TPD52: variants seen among roughly 807,000 people sequenced by gnomAD.
TPD52 encodes tumor protein D52.
A neutral mutation model predicts 31.3 loss-of-function variants in TPD52; 17 were observed. That is an observed-to-expected ratio of 0.54 (90% confidence interval 0.37 to 0.82). The LOEUF is 0.82. Among genes scored for constraint, TPD52 ranks in the 40% least tolerant of loss-of-function variants. TPD52 has a pLI of 0.00. For synonymous variants in TPD52, 83 were observed against 89.6 expected (o/e 0.93, Z 0.42); for missense variants, 212 against 240.1 (o/e 0.88, Z 0.77).
chr8:80,038,089 G>A lies in TPD52; in HGVS notation c.*27C>T. On this transcript the variant is annotated 3_prime_UTR_variant, in exon 8 of 8. Transcript: ENST00000518937. ...TGGACCTCGCTTGCAGCATCTGGCA[G>A]TGGGTAGCAGAACAAAGGTAGGAAT... 6.2e-7 allele frequency: 1 copy of A among 1,611,136 alleles called. No individual in the cohort carries two copies. The highest frequency in any genetic ancestry group is 8.5e-7 in the Non-Finnish European group (1 of 1,177,646).
chr8:80,033,462 G>A (rs539604138), downstream of TPD52, among the ~76,000 whole-genome samples: 65 of 152,228 alleles, frequency 4.3e-4, no homozygotes, highest in Middle Eastern at 6.8e-3. Flanking sequence ...GTCTGGTGCC[G>A]GTGAAAGGTG....
At chr8:80,059,724 C>T (rs1026497210) in intron 2 of TPD52, among the ~76,000 whole-genome samples, 3 of 147,360 alleles carry the variant, frequency 2.0e-5, no homozygotes, top group East Asian at 2.0e-4. Flanking sequence ...AGTGGTGGCA[C>T]GTGCCTGTAA....
chr8:80,160,617 T>C (rs1346288246), intron 1 of TPD52, among the ~76,000 whole-genome samples: 1 of 152,200 alleles, frequency 6.6e-6, no homozygotes, highest in African/African-American at 2.4e-5. Context: ...ATTTTTGTTC[T>C]GGTTTACTAG....
intron 1 of TPD52, among the ~76,000 whole-genome samples, chr8:80,114,509 A>C (rs1169351569): frequency 3.3e-5 from 5 of 152,034 alleles, no homozygotes; most frequent in Non-Finnish European, 7.4e-5. Context: ...TTGTTGCATT[A>C]ATTAGTTAAT....
intron 1 of TPD52, among the ~76,000 whole-genome samples, chr8:80,152,385 C>G (rs553058741): frequency 6.6e-6 from 1 of 152,070 alleles, no homozygotes; most frequent in South Asian, 2.1e-4. Context: ...ATGAAAACAC[C>G]CTTCCTCCTA....
chr8:80,171,010 G>A (rs918774754), intron 1 of TPD52: 9 of 429,714 alleles, frequency 2.1e-5, no homozygotes, highest in African/African-American at 1.8e-4. Flanking sequence ...AGGGAGAGAG[G>A]GGTTTCCCAC....
At chr8:80,047,654 AG>A (rs1241973808) in intron 5 of TPD52, among the ~76,000 whole-genome samples, 43 of 152,334 alleles carry the variant, frequency 2.8e-4, no homozygotes, top group African/African-American at 9.9e-4. Context: ...CATGAAACAG[AG>A]AAAAGTTCAT....
chr8:80,081,560 A>C (rs1815293910), intron 1 of TPD52, among the ~76,000 whole-genome samples: 1 of 151,576 alleles, frequency 6.6e-6, no homozygotes, highest in Non-Finnish European at 1.5e-5. Context: ...CTAATCTAAA[A>C]GGCGGTTTTC....
intron 2 of TPD52, among the ~76,000 whole-genome samples, chr8:80,062,782 G>A (rs1234231570): frequency 1.8e-4 from 27 of 151,998 alleles, no homozygotes; most frequent in Admixed American, 1.8e-3. Context: ...GGGCAACATA[G>A]CAAAATCTCA....
chr8:80,150,264 G>A (rs1405771682), intron 1 of TPD52, among the ~76,000 whole-genome samples: 2 of 152,224 alleles, frequency 1.3e-5, no homozygotes, highest in African/African-American at 4.8e-5. Flanking sequence ...TGTGATTTGG[G>A]AACCTCCGCC....
At position 80,051,646 on chromosome 8, in the gene TPD52, C is replaced by T. The variant is rs367876060; in HGVS notation, c.285-18G>A. On this transcript the variant is annotated intron_variant, in intron 3 of 7. Coordinates refer to ENST00000518937, the MANE Select transcript of TPD52 (RefSeq NM_001025253.3). Reference sequence around the variant, plus strand: ...TCTTGTAACTATATTAAATTATAAACACACAGAGCAAAAGAAGGGTCAGCT... The same window carrying T: ...TCTTGTAACTATATTAAATTATAAATACACAGAGCAAAAGAAGGGTCAGCT... The T allele has an allele frequency of 3.3e-5, 52 of 1,562,410 alleles. No individual in the cohort carries two copies. The highest frequency in any genetic ancestry group is 4.2e-5 in the Non-Finnish European group (49 of 1,154,862).
chr8:80,038,915 A>G (rs1049069843), intron 7 of TPD52, among the ~76,000 whole-genome samples: 7 of 152,246 alleles, frequency 4.6e-5, no homozygotes. Context: ...ATTTATTTCA[A>G]TATATCTGCC....
intron 1 of TPD52, among the ~76,000 whole-genome samples, chr8:80,167,055 A>C (rs1811763933): frequency 6.6e-6 from 1 of 152,212 alleles, no homozygotes; most frequent in Non-Finnish European, 1.5e-5. Flanking sequence ...TCTAAAATAG[A>C]CAACTATTCT....
At chr8:80,150,235 G>A (rs1464928534) in intron 1 of TPD52, among the ~76,000 whole-genome samples, 1 of 152,260 alleles carries the variant, frequency 6.6e-6, no homozygotes, top group African/African-American at 2.4e-5. Context: ...GAGCCTGTGG[G>A]TATGCAGAAG....
At chr8:80,099,509 CTTTTT>C (rs756408673) in intron 1 of TPD52, among the ~76,000 whole-genome samples, 6 of 134,582 alleles carry the variant, frequency 4.5e-5, no homozygotes, top group South Asian at 2.4e-4. Context: ...GGTCTAACAT[CTTTTT>C]TTTTTTTTTT....
intron 1 of TPD52, among the ~76,000 whole-genome samples, chr8:80,119,660 C>T (rs1200592627): frequency 6.6e-6 from 1 of 152,098 alleles, no homozygotes; most frequent in Non-Finnish European, 1.5e-5. Flanking sequence ...ATTTGTTTCA[C>T]ACCATGTGAA....
chr8:80,129,379 G>A (rs1350415299), intron 1 of TPD52, among the ~76,000 whole-genome samples: 2 of 152,110 alleles, frequency 1.3e-5, no homozygotes, highest in Non-Finnish European at 2.9e-5. Context: ...AAAGTTGTAT[G>A]CTCATGAAAT....
intron 1 of TPD52, among the ~76,000 whole-genome samples, chr8:80,135,427 C>T (rs78762614): frequency 0.011 from 1,697 of 152,206 alleles, 21 homozygotes; most frequent in Middle Eastern, 0.014. Context: ...CCCCAGCCTA[C>T]CTGCCCCCCA....
chr8:80,158,082 G>T (rs1276457613), intron 1 of TPD52, among the ~76,000 whole-genome samples: 1 of 152,054 alleles, frequency 6.6e-6, no homozygotes, highest in Non-Finnish European at 1.5e-5. Context: ...ATTTGCTTGG[G>T]AATATTTGCT....
Sources: allele counts gnomAD v4.1 joint callset (sites outside exome capture counted in the v4.1 genomes callset), GRCh38; gene constraint gnomAD v4.1.1; transcripts MANE v1.5; gene names NCBI Gene and HGNC (gene_info 2026-07-23, HGNC 2026-07-21).